The following ARHGEF26 variants were observed in gnomAD, a reference collection of about 807,000 sequenced individuals.
ARHGEF26 encodes the protein Rho guanine nucleotide exchange factor (GEF) 26.
ARHGEF26 carries 59 observed loss-of-function variants against 89.4 expected under a neutral mutation model. That is an observed-to-expected ratio of 0.66 (90% CI 0.54 to 0.82). The LOEUF (loss-of-function observed/expected upper bound fraction) is 0.82. Ranked by LOEUF, ARHGEF26 falls within the 40% of genes least tolerant of loss-of-function variation. The pLI, the probability that ARHGEF26 is intolerant of heterozygous loss-of-function variation, is 0.00. For missense variants in ARHGEF26, 1,234 were observed against 1,085.6 expected (o/e 1.14, Z -1.92); for synonymous variants, 500 against 428.4 (o/e 1.17, Z -2.06).
intron 10 of ARHGEF26, among the ~76,000 whole-genome samples, chr3:154,224,696 T>A (rs944394741): frequency 2.0e-5 from 3 of 152,160 alleles, no homozygotes; most frequent in Non-Finnish European, 4.4e-5. Context: ...TTTCGAGATT[T>A]TGGGGGTTGG....
chr3:154,152,602 TAAAG>T (rs1167831588), intron 5 of ARHGEF26, among the ~76,000 whole-genome samples, 166 bp from the exon 6 acceptor site: 1 of 152,210 alleles, frequency 6.6e-6, no homozygotes, highest in Non-Finnish European at 1.5e-5. Flanking sequence ...GTATATTATA[TAAAG>T]AGAGTAGTTT....
rs144007942 is a variant in ARHGEF26, at chr3:154,172,067, G to A, written c.1488-15618G>A. Among the ~76,000 whole-genome samples, 60 of 152,168 alleles carry A rather than the reference G, an allele frequency of 3.9e-4. 1 individual carries two copies. In the East Asian group the frequency reaches 5.0e-3, roughly 13 times the overall value. Reference sequence around the variant, plus strand: ...ATTCTTTTGAGGATCAGTATTTTGTGCCATGTCAATGAGATACAGAGTTGT... The same window carrying A: ...ATTCTTTTGAGGATCAGTATTTTGTACCATGTCAATGAGATACAGAGTTGT... On this transcript the variant is annotated intron_variant, in intron 6 of 14. Coordinates refer to ENST00000465093, the MANE Select transcript of ARHGEF26 (RefSeq NM_015595.4).
At chr3:154,255,195 T>C in intron 14 of ARHGEF26, 136 bp from the exon 15 acceptor site, 4 of 907,180 alleles carry the variant, frequency 4.4e-6, no homozygotes, top group Non-Finnish European at 6.7e-6. Flanking sequence ...CTCGAAAGCT[T>C]TCCCTGTCCC....
At chr3:154,151,755 G>C (rs2108097139) in intron 5 of ARHGEF26, among the ~76,000 whole-genome samples, 1 of 152,232 alleles carries the variant, frequency 6.6e-6, no homozygotes, top group South Asian at 2.1e-4. Flanking sequence ...AAAATATGGA[G>C]CACCCATCAG....
chr3:154,256,756 A>C lies in ARHGEF26; in HGVS notation c.*1283A>C, dbSNP rs888374925. On this transcript the variant is annotated 3_prime_UTR_variant, in exon 15 of 15. Coordinates refer to ENST00000465093, the MANE Select transcript of ARHGEF26 (RefSeq NM_015595.4). Reference sequence around the variant, plus strand: ...AGAAGTCAGCATGGTACCCAATTGAAACCTTTTGACCTTAGTGGGAATTCA... The same window carrying C: ...AGAAGTCAGCATGGTACCCAATTGACACCTTTTGACCTTAGTGGGAATTCA... The C allele has an allele frequency of 1.8e-5, 25 of 1,427,504 alleles. No homozygotes were observed. Among genetic ancestry groups the C allele is most frequent in the Non-Finnish European group, 2.2e-5 (24 of 1,098,208 alleles). 88.4% of individuals were successfully genotyped at this position (1,427,504 alleles called of 1,614,324 possible). A position where few individuals can be genotyped will look rare whatever the true frequency, so the allele number is the denominator to read the frequency against.
chr3:154,135,663 A>C (rs1305477018), intron 4 of ARHGEF26, among the ~76,000 whole-genome samples: 2 of 152,192 alleles, frequency 1.3e-5, no homozygotes, highest in Non-Finnish European at 2.9e-5. Flanking sequence ...TGGGAAAAGC[A>C]TGTGGGTTTG....
chr3:154,251,221 T>C (rs952080089), intron 12 of ARHGEF26, among the ~76,000 whole-genome samples: 1 of 152,238 alleles, frequency 6.6e-6, no homozygotes, highest in South Asian at 2.1e-4. Flanking sequence ...CAGACTTGCT[T>C]TGTCCTCTGA....
chr3:154,124,231 G>C (rs1210433301), intron 2 of ARHGEF26, among the ~76,000 whole-genome samples, 179 bp from the exon 3 acceptor site: 1 of 152,152 alleles, frequency 6.6e-6, no homozygotes, highest in Non-Finnish European at 1.5e-5. Context: ...GTGAATTGTA[G>C]TGATCAAATG....
chr3:154,144,545 A>G (rs1719586582), intron 4 of ARHGEF26, among the ~76,000 whole-genome samples: 1 of 152,210 alleles, frequency 6.6e-6, no homozygotes. Flanking sequence ...TCCTAAATGT[A>G]CAAAGCACAG....
At chr3:154,222,116 C>T (rs1269127337) in intron 10 of ARHGEF26, among the ~76,000 whole-genome samples, 1 of 152,114 alleles carries the variant, frequency 6.6e-6, no homozygotes, top group East Asian at 1.9e-4. Flanking sequence ...AGGTTATACA[C>T]CAAGACGTTA....
At position 154,239,287 on chromosome 3, in the gene ARHGEF26, AGAGAGAGAGAGAGTGT is replaced by A. The variant is rs1430740208; in HGVS notation, c.2091-1081_2091-1066del. ...GAGAGAGAGAGAGAGAGAGAGAGAGAGAGAGAGAGAGAGTGTGTGTGTGTGTGTGTGTGTGTGTGTG... is the reference window on the plus strand; with the variant it reads ...GAGAGAGAGAGAGAGAGAGAGAGAGAGTGTGTGTGTGTGTGTGTGTGTGTG... On this transcript the variant is annotated intron_variant, in intron 11 of 14. Coordinates refer to ENST00000465093, the MANE Select transcript of ARHGEF26 (RefSeq NM_015595.4). 5.0e-3 allele frequency among the ~76,000 whole-genome samples: 524 copies of A among 104,132 alleles called. 1 individual carries two copies. The highest frequency in any genetic ancestry group is 0.019 in the African/African-American group (490 of 25,426). The allele number at this position is 104,132 out of a possible 152,430, so 68.3% of individuals were successfully genotyped here.
At position 154,137,631 on chromosome 3, in the gene ARHGEF26, T is replaced by C. The variant is rs953914774; in HGVS notation, c.1269+7912T>C. The stretch of plus-strand genomic sequence containing the variant: ...TAGATTATGGTACATTTCTGAAAAT[T>C]AACTTGACTTATGTAAGCAATATAT... On this transcript the variant is annotated intron_variant, in intron 4 of 14. Transcript: ENST00000465093. Among the ~76,000 whole-genome samples, 12 of 152,144 alleles carry C rather than the reference T, an allele frequency of 7.9e-5. No individual in the cohort carries two copies. The Middle Eastern group carries it at 0.014, about 174-fold the overall frequency.
chr3:154,166,631 A>G (rs997630505), intron 6 of ARHGEF26, among the ~76,000 whole-genome samples: 9 of 152,246 alleles, frequency 5.9e-5, no homozygotes, highest in East Asian at 1.9e-4. Context: ...TGGCATGGTA[A>G]AAGTTTGAAT....
chr3:154,133,090 C>T (rs759089432), intron 4 of ARHGEF26, among the ~76,000 whole-genome samples: 3 of 152,126 alleles, frequency 2.0e-5, no homozygotes, highest in Non-Finnish European at 4.4e-5. Flanking sequence ...CTATCCTTAT[C>T]AGTTGACTAT....
chr3:154,227,082 A>G (rs982065678), intron 11 of ARHGEF26, among the ~76,000 whole-genome samples: 1 of 152,140 alleles, frequency 6.6e-6, no homozygotes, highest in African/African-American at 2.4e-5. Context: ...TAATCAGACC[A>G]TATTATGAAT....
intron 12 of ARHGEF26, among the ~76,000 whole-genome samples, chr3:154,252,600 G>T (rs1390003488): frequency 6.6e-6 from 1 of 152,164 alleles, no homozygotes; most frequent in Non-Finnish European, 1.5e-5. Flanking sequence ...AGTGGCCAAA[G>T]AATTTCTATT....
At chr3:154,208,955 C>T (rs1092403) in intron 9 of ARHGEF26, among the ~76,000 whole-genome samples, 77,426 of 151,252 alleles carry the variant, frequency 0.51, 20,017 homozygotes, top group Non-Finnish European at 0.54. Context: ...TTAGTGGAGA[C>T]GGGGTTTCAC....
chr3:154,213,216 A>AGAGAGAGTGTGT (rs1553747872), intron 9 of ARHGEF26, among the ~76,000 whole-genome samples: 9 of 142,036 alleles, frequency 6.3e-5, no homozygotes, highest in African/African-American at 2.3e-4. Flanking sequence ...AGAGAGAGAG[A>AGAGAGAGTGTGT]GTGTGTGTGT....
Position 154,239,291 on chromosome 3 carries a change from A to AGTGT in ARHGEF26, c.2091-1078_2091-1077insTGTG, listed in dbSNP as rs1717331549. On this transcript the variant is annotated intron_variant, in intron 11 of 14. Coordinates refer to ENST00000465093, the MANE Select transcript of ARHGEF26 (RefSeq NM_015595.4). The stretch of plus-strand genomic sequence containing the variant: ...GAGAGAGAGAGAGAGAGAGAGAGAG[A>AGTGT]GAGAGAGAGTGTGTGTGTGTGTGTG... 2.9e-4 allele frequency among the ~76,000 whole-genome samples: 18 copies of AGTGT among 61,880 alleles called. No homozygotes were observed. The East Asian group carries it at 4.6e-3, about 16-fold the overall frequency. 40.6% of individuals were successfully genotyped at this position (61,880 alleles called of 152,430 possible).
Sources: gnomAD v4.1 joint callset for allele counts (sites outside exome capture counted in the v4.1 genomes callset) on GRCh38, gnomAD v4.1.1 for gene constraint, MANE v1.5 for transcripts, NCBI Gene and HGNC (gene_info 2026-07-23, HGNC 2026-07-21) for gene names.